The following INPP4B variants were observed in gnomAD, a reference collection of about 807,000 sequenced individuals.
INPP4B encodes the protein inositol polyphosphate-4-phosphatase type II B.
A neutral mutation model predicts 122.5 loss-of-function variants in INPP4B; 55 were observed. The observed-to-expected ratio is 0.45, with a 90% confidence interval of 0.36 to 0.56. INPP4B has a LOEUF of 0.56. Ranked by LOEUF, INPP4B falls within the 20% of genes least tolerant of loss-of-function variation. The pLI is 0.00. For synonymous variants in INPP4B, 403 were observed against 388.7 expected, an observed-to-expected ratio of 1.04 and a Z score of -0.43; for missense variants, 1,000 against 1,097.7, an observed-to-expected ratio of 0.91 and a Z score of 1.26.
chr4:142,034,000 C>G (rs755443267), intron 25 of INPP4B, among the ~76,000 whole-genome samples: 2 of 152,032 alleles, frequency 1.3e-5, no homozygotes, highest in Non-Finnish European at 2.9e-5. Flanking sequence ...TGATACTCTA[C>G]TTATCAGGCC....
At position 142,483,326 on chromosome 4, in the gene INPP4B, C is replaced by T. The variant is rs561187314; in HGVS notation, c.-190-20600G>A. Among the ~76,000 whole-genome samples, 9 of 150,650 alleles carry T rather than the reference C, an allele frequency of 6.0e-5. No homozygotes were observed. The South Asian group carries it at 1.9e-3, about 32-fold the overall frequency. Reference sequence around the variant, plus strand: ...TCCATTTGTTGAGTGTAATTCTGTTCAGACATTGTGCTGAACATTCTCAAA... The same window carrying T: ...TCCATTTGTTGAGTGTAATTCTGTTTAGACATTGTGCTGAACATTCTCAAA... On this transcript the variant is annotated intron_variant, in intron 2 of 25. Coordinates refer to ENST00000262992, the MANE Select transcript of INPP4B (RefSeq NM_001101669.3).
intron 2 of INPP4B, among the ~76,000 whole-genome samples, chr4:142,693,528 A>G (rs1760547268): frequency 1.1e-5 from 1 of 93,208 alleles, no homozygotes; most frequent in Non-Finnish European, 2.1e-5. Context: ...AAAAAAAAAA[A>G]AAAAAAGCCT....
intron 3 of INPP4B, among the ~76,000 whole-genome samples, chr4:142,441,307 T>A (rs192580540): frequency 6.6e-6 from 1 of 152,120 alleles, no homozygotes; most frequent in Non-Finnish European, 1.5e-5. Context: ...AGAATCTAGA[T>A]TCTAAGTTAT....
chr4:142,241,208 C>G (rs925109782), intron 11 of INPP4B, among the ~76,000 whole-genome samples: 4 of 151,334 alleles, frequency 2.6e-5, no homozygotes, highest in African/African-American at 7.3e-5. Flanking sequence ...TTAAAGAGAG[C>G]CCTGTGTGTA....
intron 2 of INPP4B, among the ~76,000 whole-genome samples, chr4:142,646,492 A>G (rs1751806955): frequency 6.6e-6 from 1 of 152,232 alleles, no homozygotes; most frequent in South Asian, 2.1e-4. Flanking sequence ...GATACTTTCA[A>G]AACTCTGTGA....
intron 18 of INPP4B, among the ~76,000 whole-genome samples, chr4:142,126,597 A>G (rs1798719130): frequency 6.6e-6 from 1 of 152,138 alleles, no homozygotes; most frequent in Admixed American, 6.6e-5. Context: ...TATTATGAGG[A>G]TAAAAAGCAT....
At chr4:142,030,087 AT>A in intron 25 of INPP4B, 1 of 1,477,064 alleles carries the variant, frequency 6.8e-7, no homozygotes. Flanking sequence ...TTTAAAGTTC[AT>A]TGTCATTTGT....
intron 14 of INPP4B, among the ~76,000 whole-genome samples, chr4:142,201,381 T>A (rs557445531): frequency 6.6e-6 from 1 of 152,246 alleles, no homozygotes; most frequent in South Asian, 2.1e-4. Flanking sequence ...ATACTTTCTA[T>A]GAAAGTTGCA....
intron 9 of INPP4B, among the ~76,000 whole-genome samples, chr4:142,295,482 C>A (rs544909051): frequency 6.6e-6 from 1 of 152,300 alleles, no homozygotes; most frequent in East Asian, 1.9e-4. Context: ...TACACATAGA[C>A]AACCACTCAC....
chr4:142,408,373 C>T (rs570426206), intron 5 of INPP4B, among the ~76,000 whole-genome samples: 3 of 151,932 alleles, frequency 2.0e-5, no homozygotes, highest in South Asian at 2.1e-4. Context: ...GCCAACATGA[C>T]GAAACCCCAT....
intron 18 of INPP4B, among the ~76,000 whole-genome samples, chr4:142,144,936 AAGAAC>A (rs1809874231): frequency 6.6e-6 from 1 of 152,072 alleles, no homozygotes; most frequent in African/African-American, 2.4e-5. Context: ...AAGTAAAAGA[AAGAAC>A]AGATTTCAGC....
At chr4:142,475,744 C>T (rs1031405989) in intron 2 of INPP4B, among the ~76,000 whole-genome samples, 4 of 152,102 alleles carry the variant, frequency 2.6e-5, no homozygotes, top group Non-Finnish European at 5.9e-5. Context: ...AGGAAAGAAT[C>T]TCAGAGTTCA....
rs1737208017 is a variant in INPP4B, at chr4:142,026,987, G to C, written c.*1795C>G. On this transcript the variant is annotated 3_prime_UTR_variant, in exon 26 of 26. Transcript: ENST00000262992. ...ATCCCAGCCTATCTTAAATCTAATAGGGTAATGAAAATAACCACAAATCCT... is the reference window on the plus strand; with the variant it reads ...ATCCCAGCCTATCTTAAATCTAATACGGTAATGAAAATAACCACAAATCCT... 1 of 151,764 alleles carries C rather than the reference G, an allele frequency of 6.6e-6. No individual in the cohort carries two copies. Among genetic ancestry groups the C allele is most frequent in the South Asian group, 2.1e-4 (1 of 4,828 alleles). 9.4% of individuals were successfully genotyped at this position (151,764 alleles called of 1,614,324 possible). A position where few individuals can be genotyped will look rare whatever the true frequency, so the allele number is the denominator to read the frequency against.
At chr4:142,523,269 CCCCAGATAATTCGAATGCATA>C (rs1463448404) in intron 2 of INPP4B, among the ~76,000 whole-genome samples, 1 of 152,016 alleles carries the variant, frequency 6.6e-6, no homozygotes, top group Non-Finnish European at 1.5e-5. Context: ...TTTAACTAGC[CCCCAGATAATTCGAATGCATA>C]CTCAGGTTTG....
chr4:142,741,841 G>C (rs1042006949), intron 1 of INPP4B, among the ~76,000 whole-genome samples: 8 of 151,946 alleles, frequency 5.3e-5, no homozygotes, highest in African/African-American at 1.9e-4. Context: ...GGAGAGACCA[G>C]GGCCAGGCCT....
At chr4:142,392,883 T>C (rs1050079775) in intron 7 of INPP4B, among the ~76,000 whole-genome samples, 13 of 152,220 alleles carry the variant, frequency 8.5e-5, no homozygotes, top group Admixed American at 2.0e-4. Context: ...GCGAGCAGAC[T>C]CTTTATCTAC....
chr4:142,098,455 T>C (rs895717643), intron 23 of INPP4B, among the ~76,000 whole-genome samples: 17 of 152,104 alleles, frequency 1.1e-4, no homozygotes, highest in Non-Finnish European at 2.9e-5. Context: ...TTGGATGTAG[T>C]GGATACGAAT....
At chr4:142,712,135 G>A (rs867521693) in intron 2 of INPP4B, among the ~76,000 whole-genome samples, 1 of 152,148 alleles carries the variant, frequency 6.6e-6, no homozygotes, top group African/African-American at 2.4e-5. Flanking sequence ...CGTAGCAAGG[G>A]AGTGCTAGCC....
rs1274837201 is a variant in INPP4B at position 142,145,875 on chromosome 4, G to A, written c.1685C>T (p.Pro562Leu). 8.7e-6 allele frequency: 14 copies of A among 1,613,502 alleles called. No homozygotes were observed. The highest frequency in any genetic ancestry group is 2.7e-5 in the African/African-American group (2 of 74,810). Residue 562 changes from proline to leucine, a missense_variant, in exon 18 of 26, where the codon CCT (proline) becomes CTT (leucine). Coordinates refer to ENST00000262992, the MANE Select transcript of INPP4B (RefSeq NM_001101669.3). ...AGAGGGAATGGCATCTGTTAATGAA[G>A]GTTCCTTTTCTCCATCATTGTTGCC... ...SGGNNDGEKE[P>L]SLTDAIPSHP...
Sources: gnomAD v4.1 joint callset for allele counts (sites outside exome capture counted in the v4.1 genomes callset) on GRCh38, gnomAD v4.1.1 for gene constraint, MANE v1.5 for transcripts, NCBI Gene and HGNC (gene_info 2026-07-23, HGNC 2026-07-21) for gene names.